Variants in SNX31 observed in about 807,000 individuals in gnomAD.
SNX31 encodes sorting nexin 31.
A neutral mutation model predicts 65.4 loss-of-function variants in SNX31; 58 were observed. The observed-to-expected ratio is 0.89, with a 90% confidence interval of 0.72 to 1.10. The LOEUF (loss-of-function observed/expected upper bound fraction) is 1.10, where lower values mean the gene tolerates loss of function less well. Among genes scored for constraint, SNX31 ranks in the 50% least tolerant of loss-of-function variants. The probability of loss-of-function intolerance (pLI) is 0.00; values close to 1 mark genes in which losing one functional copy is unlikely to be tolerated. For synonymous variants in SNX31, 181 were observed against 190.1 expected, an observed-to-expected ratio of 0.95 and a Z score of 0.39; for missense variants, 523 against 529.7, an observed-to-expected ratio of 0.99 and a Z score of 0.12.
chr8:100,635,770 G>T, intron 3 of SNX31, 127 bp downstream of exon 3: 1 of 628,708 alleles, frequency 1.6e-6, no homozygotes. Flanking sequence ...TTAGATTACG[G>T]TAATGGTCGC....
Position 100,660,260 on chromosome 8 carries a change from G to A in SNX31, c.-58+2882C>T, listed in dbSNP as rs1201509092. Reference sequence around the variant, plus strand: ...AATGGTATTAGCAGTAGTAATAATAGTAGAATGCTGATTTTCAGATTAAAA... The same window carrying A: ...AATGGTATTAGCAGTAGTAATAATAATAGAATGCTGATTTTCAGATTAAAA... On this transcript the variant is annotated intron_variant, in intron 1 of 5. Transcript: ENST00000520352. This position sits in a 1 kb window ranked among gnomAD's most constrained non-coding sequence, Gnocchi z 4.1. Among the ~76,000 whole-genome samples, 1 of 152,202 alleles carries A rather than the reference G, an allele frequency of 6.6e-6. No homozygotes were observed. The highest frequency in any genetic ancestry group is 2.4e-5 in the African/African-American group (1 of 41,444).
At chr8:100,646,366 A>G (rs957908125) in intron 2 of SNX31, among the ~76,000 whole-genome samples, 6 of 152,336 alleles carry the variant, frequency 3.9e-5, no homozygotes, top group African/African-American at 1.4e-4. Context: ...AAGTGGTCTT[A>G]GTATACAGAG....
At position 100,612,032 on chromosome 8, in the gene SNX31, CT is replaced by C; in HGVS notation, c.578del (p.Glu193GlyfsTer22). Reference sequence around the variant, plus strand: ...GGAGTCCAACCTTACAGTTTTCCACCTCAGAACTTCCAAGACTAACATAAGG... The same window carrying C: ...GGAGTCCAACCTTACAGTTTTCCACCCAGAACTTCCAAGACTAACATAAGG... Reference protein sequence around the residue: ...ELPYVSLGSSEVENCKVGLRK... With the variant: ...ELPYVSLGSSXVENCKVGLRK... On this transcript the variant is annotated frameshift_variant, in exon 7 of 14. Transcript: ENST00000311812. LOFTEE classifies it high-confidence loss of function. The surrounding 1 kb of genome is among the most constrained non-coding windows in gnomAD (Gnocchi z 4.3). 6.2e-7 allele frequency: 1 copy of C among 1,614,148 alleles called. No homozygotes were observed. Among genetic ancestry groups the C allele is most frequent in the Non-Finnish European group, 8.5e-7 (1 of 1,180,022 alleles).
intron 4 of SNX31, chr8:100,618,363 C>T: frequency 6.5e-7 from 1 of 1,533,190 alleles, no homozygotes; most frequent in South Asian, 1.2e-5. Context: ...ATCCCTAAAG[C>T]CCATATCCCT....
At chr8:100,577,734 G>A (rs10086075) in intron 12 of SNX31, among the ~76,000 whole-genome samples, 8,423 of 152,254 alleles carry the variant, frequency 0.055, 727 homozygotes, top group African/African-American at 0.18. Context: ...GAGCAGCTGG[G>A]GCTGGAACCA....
chr8:100,598,892 C>T (rs952356472), intron 9 of SNX31, among the ~76,000 whole-genome samples: 33 of 152,146 alleles, frequency 2.2e-4, no homozygotes, highest in African/African-American at 8.0e-4. Context: ...AACTGTGTGC[C>T]AATAAAACTT....
intron 5 of SNX31, among the ~76,000 whole-genome samples, chr8:100,615,459 T>C (rs1019798579): frequency 1.3e-5 from 2 of 152,224 alleles, no homozygotes; most frequent in Admixed American, 1.3e-4. Context: ...TAAAGTAACT[T>C]ACCCAAATTC....
chr8:100,660,928 A>T lies in SNX31; in HGVS notation c.-58+2214T>A, dbSNP rs1809774422. On this transcript the variant is annotated intron_variant, in intron 1 of 5. Coordinates refer to the SNX31 transcript ENST00000520352. This position sits in a 1 kb window ranked among gnomAD's most constrained non-coding sequence, Gnocchi z 4.1. ...TGGATCATCCCTTTATATTTTCCTCATGCCATACAGTTTTTAGGAGCATTC... is the reference window on the plus strand; with the variant it reads ...TGGATCATCCCTTTATATTTTCCTCTTGCCATACAGTTTTTAGGAGCATTC... Among the ~76,000 whole-genome samples, 1 of 151,988 alleles carries T rather than the reference A, an allele frequency of 6.6e-6. No individual in the cohort carries two copies. Among genetic ancestry groups the T allele is most frequent in the South Asian group, 2.1e-4 (1 of 4,818 alleles).
chr8:100,635,222 T>TTTTATTTATGTATTTATTTATTTATTTA (rs1818678483), intron 3 of SNX31, among the ~76,000 whole-genome samples: 1 of 149,672 alleles, frequency 6.7e-6, no homozygotes, highest in South Asian at 2.2e-4. Context: ...ACCTCATCTC[T>TTTTATTTATGTATTTATTTATTTATTTA]TTTATTTATT....
chr8:100,584,215 T>C, intron 11 of SNX31, 27 bp from the exon 12 acceptor site: 9 of 1,564,694 alleles, frequency 5.8e-6, no homozygotes, highest in Non-Finnish European at 6.9e-6. Flanking sequence ...TAAAGAACTC[T>C]TGTAACCGAA....
rs1229194454 is a variant in SNX31 at position 100,629,264 on chromosome 8, T to C, written c.321+1063A>G. ...AAACTATTAGACTATACACAACAGTTGTCACTGAGGAGGGGGATCATAAGG... is the reference window on the plus strand; with the variant it reads ...AAACTATTAGACTATACACAACAGTCGTCACTGAGGAGGGGGATCATAAGG... On this transcript the variant is annotated intron_variant, in intron 4 of 13. Coordinates refer to ENST00000311812, the MANE Select transcript of SNX31 (RefSeq NM_152628.4). This position sits in a 1 kb window ranked among gnomAD's most constrained non-coding sequence, Gnocchi z 5.1. Among the ~76,000 whole-genome samples the C allele has an allele frequency of 6.6e-6, 1 of 152,204 alleles. No individual in the cohort carries two copies. The highest frequency in any genetic ancestry group is 1.9e-4 in the East Asian group (1 of 5,206).
chr8:100,584,542 A>G (rs1181884646), intron 11 of SNX31, among the ~76,000 whole-genome samples: 2 of 152,052 alleles, frequency 1.3e-5, no homozygotes, highest in Admixed American at 1.3e-4. Context: ...ACTAATTATT[A>G]TTATTATAAT....
In SNX31 at chr8:100,649,055, A is replaced by C. The variant is rs988745974; in HGVS notation, c.141+219T>G. ...AGAATCACCTGCGCCCGGTTCCCTC[A>C]TCTCACAGCTGTAGGCGACCAGGAG... is the stretch of plus-strand genomic sequence containing the variant. On this transcript the variant is annotated intron_variant, in intron 2 of 13. Coordinates refer to ENST00000311812, the MANE Select transcript of SNX31 (RefSeq NM_152628.4). Among the ~76,000 whole-genome samples, 4 of 152,220 alleles carry C rather than the reference A, an allele frequency of 2.6e-5. No individual in the cohort carries two copies. In the South Asian group the frequency reaches 8.3e-4, roughly 32 times the overall value.
chr8:100,597,247 C>CTT (rs554273418), intron 9 of SNX31, among the ~76,000 whole-genome samples: 4 of 145,008 alleles, frequency 2.8e-5, no homozygotes, highest in Admixed American at 6.9e-5. Flanking sequence ...TGTACATTGG[C>CTT]TTTTTTTTTT....
intron 12 of SNX31, among the ~76,000 whole-genome samples, chr8:100,580,003 A>T (rs1208129467): frequency 6.6e-6 from 1 of 152,086 alleles, no homozygotes; most frequent in Non-Finnish European, 1.5e-5. Flanking sequence ...TCTACAAAAA[A>T]TACAAAAATT....
intron 2 of SNX31, among the ~76,000 whole-genome samples, chr8:100,637,885 G>A (rs904818331): frequency 4.6e-5 from 7 of 152,160 alleles, no homozygotes; most frequent in South Asian, 2.1e-4. Context: ...TAGTAGAGAC[G>A]GGGTTTTGCC....
intron 2 of SNX31, among the ~76,000 whole-genome samples, chr8:100,646,786 C>T (rs193287660): frequency 2.6e-5 from 4 of 152,250 alleles, no homozygotes; most frequent in Non-Finnish European, 4.4e-5. Context: ...TTACATGATT[C>T]CAAAATACAG....
intron 10 of SNX31, among the ~76,000 whole-genome samples, chr8:100,595,273 T>A (rs140783707): frequency 1.3e-5 from 2 of 151,910 alleles, no homozygotes; most frequent in Non-Finnish European, 2.9e-5. Flanking sequence ...ACAGGGCATG[T>A]TGAGACCAAG....
chr8:100,605,822 C>T (rs973441419), intron 8 of SNX31, among the ~76,000 whole-genome samples: 1 of 152,130 alleles, frequency 6.6e-6, no homozygotes, highest in African/African-American at 2.4e-5. Context: ...TCTGACCTCT[C>T]ATCACAATGA....
Sources: allele counts gnomAD v4.1 joint callset (sites outside exome capture counted in the v4.1 genomes callset), GRCh38; gene constraint gnomAD v4.1.1; non-coding constraint Gnocchi (gnomAD v3.1); transcripts MANE v1.5; gene names NCBI Gene and HGNC (gene_info 2026-07-23, HGNC 2026-07-21).